The following DYNLRB2 variants were observed in gnomAD, a reference collection of about 807,000 sequenced individuals.
DYNLRB2 encodes bithoraxoid-like protein.
Under a neutral mutation model 12.6 loss-of-function variants are expected in DYNLRB2, and 14 were observed. That is an observed-to-expected ratio of 1.11 (90% CI 0.73 to 1.73). The LOEUF (loss-of-function observed/expected upper bound fraction) is 1.73, where lower values mean the gene tolerates loss of function less well. Among genes scored for constraint, DYNLRB2 ranks in the 40% most tolerant of loss-of-function variants. The probability of loss-of-function intolerance (pLI) is 0.00; values close to 1 mark genes in which losing one functional copy is unlikely to be tolerated. For synonymous variants in DYNLRB2, 53 were observed against 37.0 expected (o/e 1.43, Z -1.57); for missense variants, 142 against 117.7 (o/e 1.21, Z -0.95).
intron 2 of DYNLRB2, chr16:80,547,913 A>C (rs1904579400): frequency 2.3e-6 from 1 of 444,346 alleles, no homozygotes; most frequent in East Asian, 7.1e-5. Context: ...CTGTTTAGCA[A>C]AACATTCTGG....
intron 2 of DYNLRB2, among the ~76,000 whole-genome samples, chr16:80,547,239 T>C (rs1904530155): frequency 6.6e-6 from 1 of 152,180 alleles, no homozygotes; most frequent in Admixed American, 6.5e-5. Flanking sequence ...GAATAGACAA[T>C]GGTATCATTA....
chr16:80,549,842 C>G (rs1235742962), intron 3 of DYNLRB2, among the ~76,000 whole-genome samples, 191 bp downstream of exon 3: 1 of 152,120 alleles, frequency 6.6e-6, no homozygotes, highest in African/African-American at 2.4e-5. Flanking sequence ...TAATATGACC[C>G]ATGACTTTTG....
At chr16:80,543,821 T>C (rs532120617) in intron 2 of DYNLRB2, among the ~76,000 whole-genome samples, 2 of 152,380 alleles carry the variant, frequency 1.3e-5, no homozygotes, top group Non-Finnish European at 2.9e-5. Context: ...ATTTATAATA[T>C]AGTCTTTGTG....
At chr16:80,547,807 G>C (rs1021550199) in intron 2 of DYNLRB2, 3 of 456,444 alleles carry the variant, frequency 6.6e-6, no homozygotes, top group African/African-American at 2.0e-5. Context: ...CTGCCTTCCA[G>C]AGAAAAAGTG....
At chr16:80,548,235 TTAAAA>T (rs1904603515) in intron 2 of DYNLRB2, 1 of 166,828 alleles carries the variant, frequency 6.0e-6, no homozygotes, top group Non-Finnish European at 1.3e-5. Context: ...CTAGTAGTTC[TTAAAA>T]TAATATGAAG....
intron 2 of DYNLRB2, 127 bp downstream of exon 2, chr16:80,543,478 G>T: frequency 1.2e-6 from 1 of 860,718 alleles, no homozygotes. Flanking sequence ...TTTAGCTCTG[G>T]CATTCACTTA....
In DYNLRB2 at chr16:80,541,028, C is replaced by A. The variant is rs760634706; in HGVS notation, c.-49C>A. Reference sequence around the variant, plus strand: ...AACGGCGGGTAGCGTTGTTGACATCCCGGGAGGCTGTGCCGCCGGCCTGAG... The same window carrying A: ...AACGGCGGGTAGCGTTGTTGACATCACGGGAGGCTGTGCCGCCGGCCTGAG... On this transcript the variant is annotated 5_prime_UTR_variant, in exon 1 of 4. Transcript: ENST00000305904. 6.3e-7 allele frequency: 1 copy of A among 1,598,566 alleles called. No individual in the cohort carries two copies. Among genetic ancestry groups the A allele is most frequent in the Admixed American group, 1.7e-5 (1 of 59,100 alleles).
chr16:80,541,257 G>C (rs1326931398), intron 1 of DYNLRB2, 178 bp downstream of exon 1: 1 of 950,154 alleles, frequency 1.1e-6, no homozygotes, highest in Non-Finnish European at 1.3e-6. Flanking sequence ...GGGGCAAGAA[G>C]ATGTCTAGAT....
At chr16:80,541,849 C>T (rs561217957) in intron 1 of DYNLRB2, among the ~76,000 whole-genome samples, 118 of 152,260 alleles carry the variant, frequency 7.7e-4, no homozygotes, top group Non-Finnish European at 9.3e-4. Flanking sequence ...GCCCAAAATG[C>T]AGTGAATTAT....
intron 2 of DYNLRB2, chr16:80,547,694 C>G (rs1007111820): frequency 4.4e-6 from 2 of 451,750 alleles, no homozygotes; most frequent in Non-Finnish European, 8.9e-6. Flanking sequence ...AATAAAACTG[C>G]TCGTCAAAAA....
chr16:80,542,251 A>G (rs541207868), intron 1 of DYNLRB2, among the ~76,000 whole-genome samples: 3 of 152,200 alleles, frequency 2.0e-5, no homozygotes, highest in Non-Finnish European at 2.9e-5. Context: ...CTTAAAATGC[A>G]TTTATTTAAG....
intron 2 of DYNLRB2, chr16:80,549,144 AAAC>A (rs1460340060): frequency 2.6e-6 from 1 of 386,956 alleles, no homozygotes; most frequent in African/African-American, 2.1e-5. Flanking sequence ...CCAAATGACC[AAAC>A]AATAGGAGAT....
chr16:80,549,855 C>T (rs1211721578), intron 3 of DYNLRB2, among the ~76,000 whole-genome samples: 2 of 152,118 alleles, frequency 1.3e-5, no homozygotes, highest in African/African-American at 4.8e-5. Context: ...GACTTTTGAA[C>T]AGGTTGAATT....
intron 2 of DYNLRB2, among the ~76,000 whole-genome samples, chr16:80,546,128 G>A (rs1163615984): frequency 1.3e-5 from 2 of 152,062 alleles, no homozygotes; most frequent in African/African-American, 4.8e-5. Flanking sequence ...TTTATGGTTC[G>A]ATTGTTAATA....
intron 2 of DYNLRB2, among the ~76,000 whole-genome samples, chr16:80,546,563 C>T (rs1277267173): frequency 6.6e-6 from 1 of 152,162 alleles, no homozygotes; most frequent in African/African-American, 2.4e-5. Context: ...CAATGCTACA[C>T]GTTTTTATTA....
chr16:80,545,929 A>T (rs539060481), intron 2 of DYNLRB2, among the ~76,000 whole-genome samples: 1 of 151,800 alleles, frequency 6.6e-6, no homozygotes, highest in East Asian at 1.9e-4. Flanking sequence ...TCGGCCTCCC[A>T]AAGTGCTGGG....
upstream of DYNLRB2, chr16:80,540,927 C>A (rs534875209): frequency 2.9e-5 from 42 of 1,436,504 alleles, no homozygotes; most frequent in African/African-American, 4.4e-4. Context: ...GCGGTCAGGG[C>A]GAAAAAGCCG....
At chr16:80,549,406 G>A (rs80057413) in intron 2 of DYNLRB2, 78 bp from the exon 3 acceptor site, 41,297 of 1,362,524 alleles carry the variant, frequency 0.03, 1,729 homozygotes, top group Admixed American at 0.16. Flanking sequence ...AACTATCAGT[G>A]TTTTCCAATA....
intron 2 of DYNLRB2, among the ~76,000 whole-genome samples, chr16:80,547,286 A>C (rs955994807): frequency 7.2e-5 from 11 of 152,238 alleles, no homozygotes; most frequent in Non-Finnish European, 5.9e-5. Flanking sequence ...TACATTCTTG[A>C]ATAGACCTAG....
Sources: gnomAD v4.1 joint callset for allele counts (sites outside exome capture counted in the v4.1 genomes callset) on GRCh38, gnomAD v4.1.1 for gene constraint, MANE v1.5 for transcripts, NCBI Gene and HGNC (gene_info 2026-07-23, HGNC 2026-07-21) for gene names.